The following BMPR1B variants were observed in gnomAD, a reference collection of about 807,000 sequenced individuals.
BMPR1B encodes bone morphogenetic protein receptor type 1B, also known as bone morphogenetic protein receptor type-1B.
Under a neutral mutation model 59.1 loss-of-function variants are expected in BMPR1B, and 12 were observed. The ratio of observed to expected loss-of-function variants is 0.20; its 90% CI spans 0.13 to 0.33. BMPR1B has a LOEUF of 0.33. BMPR1B is among the 10% of genes least tolerant of loss of function. The probability of loss-of-function intolerance (pLI) is 1.00; values close to 1 mark genes in which losing one functional copy is unlikely to be tolerated. For missense variants in BMPR1B, 550 were observed against 610.9 expected, an observed-to-expected ratio of 0.90 and a Z score of 1.05; for synonymous variants, 237 against 207.3, an observed-to-expected ratio of 1.14 and a Z score of -1.23.
chr4:95,042,430 T>A (rs923883548), intron 3 of BMPR1B, among the ~76,000 whole-genome samples: 13 of 151,858 alleles, frequency 8.6e-5, no homozygotes, highest in Non-Finnish European at 1.6e-4. Context: ...CAAAAAAAAT[T>A]TTAAAATATT....
rs546887169 is a variant in BMPR1B, at chr4:94,932,496, T to C, written c.-113+56596T>C. Among the ~76,000 whole-genome samples the C allele has an allele frequency of 3.9e-3, 595 of 152,280 alleles. 8 individuals carry two copies. The highest frequency in any genetic ancestry group is 7.3e-3 in the African/African-American group (302 of 41,562). ...TTTTAAAAAACTTGCAAAATGATATTTTTTTGGAGAAACTATAACTGTCAA... is the reference window on the plus strand; with the variant it reads ...TTTTAAAAAACTTGCAAAATGATATCTTTTTGGAGAAACTATAACTGTCAA... On this transcript the variant is annotated intron_variant, in intron 2 of 12. Coordinates refer to ENST00000515059, the MANE Select transcript of BMPR1B (RefSeq NM_001203.3).
intron 2 of BMPR1B, among the ~76,000 whole-genome samples, chr4:94,930,021 C>T (rs1236225755): frequency 6.6e-6 from 1 of 152,052 alleles, no homozygotes; most frequent in Non-Finnish European, 1.5e-5. Context: ...CTTGTTCTGT[C>T]TCCTTAATAC....
chr4:94,786,831 A>G (rs999103711), intron 1 of BMPR1B, among the ~76,000 whole-genome samples: 2 of 152,136 alleles, frequency 1.3e-5, no homozygotes, highest in African/African-American at 4.8e-5. Context: ...GGCGTGAGCC[A>G]TCGTGCCCAG....
chr4:94,815,357 T>A (rs996171268), intron 1 of BMPR1B, among the ~76,000 whole-genome samples: 1 of 152,212 alleles, frequency 6.6e-6, no homozygotes, highest in East Asian at 1.9e-4. Flanking sequence ...TAGACTGTTA[T>A]AAACAGTGCT....
intron 2 of BMPR1B, among the ~76,000 whole-genome samples, chr4:94,975,357 G>GTTTTTTT (rs1177887549): frequency 8.5e-5 from 8 of 94,220 alleles, no homozygotes; most frequent in East Asian, 4.3e-4. Context: ...ATTTCCTTTT[G>GTTTTTTT]TTTTTGTTTT....
intron 3 of BMPR1B, among the ~76,000 whole-genome samples, chr4:95,039,075 G>A (rs966672509): frequency 2.3e-4 from 34 of 150,764 alleles, no homozygotes; most frequent in African/African-American, 7.8e-4. Context: ...ATAAAGGAAT[G>A]TCTCTGTAAC....
At chr4:95,119,551 TCCTGAATGGCTC>T (rs756829903) in intron 6 of BMPR1B, among the ~76,000 whole-genome samples, 39 of 152,346 alleles carry the variant, frequency 2.6e-4, no homozygotes, top group Non-Finnish European at 4.7e-4. Context: ...TTCCTGTTTG[TCCTGAATGGCTC>T]CTTGAATGGC....
At chr4:94,790,509 T>C (rs1356604556) in intron 1 of BMPR1B, among the ~76,000 whole-genome samples, 1 of 152,108 alleles carries the variant, frequency 6.6e-6, no homozygotes, top group Admixed American at 6.6e-5. Context: ...CTTGCTGCCT[T>C]CTCCCTTTTC....
rs56083112 is a variant in BMPR1B at position 95,129,981 on chromosome 4, C to T, written c.705C>T (p.Thr235=). Residue 235 remains threonine, a synonymous_variant, in exon 9 of 13, where the codon ACC becomes ACT. Transcript: ENST00000515059. ...GEKVAVKVFF[T]TEEASWFRET... ...AGGTAGCTGTGAAAGTGTTCTTCAC[C>T]ACAGAGGAAGCCAGCTGGTTCAGAG... The T allele has an allele frequency of 1.7e-3, 2,675 of 1,613,910 alleles. 28 individuals carry two copies. In the African/African-American group the frequency reaches 0.028, roughly 17 times the overall value.
At chr4:95,028,989 A>G (rs1262821097) in intron 3 of BMPR1B, among the ~76,000 whole-genome samples, 3 of 151,706 alleles carry the variant, frequency 2.0e-5, no homozygotes, top group African/African-American at 4.9e-5. Context: ...GGTAAAGTTT[A>G]TATCACGATA....
intron 10 of BMPR1B, among the ~76,000 whole-genome samples, chr4:95,147,721 T>C (rs572623195): frequency 3.3e-5 from 5 of 152,372 alleles, no homozygotes; most frequent in African/African-American, 1.2e-4. Flanking sequence ...CTAGGGTTTG[T>C]TACTTTTCTA....
intron 2 of BMPR1B, among the ~76,000 whole-genome samples, chr4:94,956,880 G>A (rs1306974021): frequency 1.3e-5 from 2 of 151,982 alleles, no homozygotes; most frequent in Non-Finnish European, 2.9e-5. Context: ...TGGGCTTTAG[G>A]TCGTATTACT....
intron 1 of BMPR1B, among the ~76,000 whole-genome samples, chr4:94,793,455 G>A (rs1018547031): frequency 3.3e-5 from 5 of 151,170 alleles, no homozygotes; most frequent in African/African-American, 9.8e-5. Context: ...CTTTGCTATC[G>A]TGAATAATGC....
chr4:94,930,008 TTG>T (rs1374028478), intron 2 of BMPR1B, among the ~76,000 whole-genome samples: 1 of 152,094 alleles, frequency 6.6e-6, no homozygotes, highest in African/African-American at 2.4e-5. Flanking sequence ...TTTTTAAGGC[TTG>T]CTTGTTCTGT....
intron 3 of BMPR1B, among the ~76,000 whole-genome samples, chr4:95,032,329 C>T (rs1202340336): frequency 6.6e-6 from 1 of 152,000 alleles, no homozygotes; most frequent in Non-Finnish European, 1.5e-5. Context: ...CCTGGTTTCT[C>T]TTCCACTTCT....
intron 1 of BMPR1B, among the ~76,000 whole-genome samples, chr4:94,868,151 C>T (rs1385540226): frequency 6.6e-6 from 1 of 151,368 alleles, no homozygotes; most frequent in African/African-American, 2.4e-5. Flanking sequence ...GTGCGAGCCA[C>T]CATACCCAGC....
chr4:94,775,470 C>CT (rs1454469530), intron 1 of BMPR1B, among the ~76,000 whole-genome samples: 5 of 152,106 alleles, frequency 3.3e-5, no homozygotes, highest in Non-Finnish European at 5.9e-5. Flanking sequence ...AAGTTGTTTC[C>CT]TTTTTTTCCA....
intron 2 of BMPR1B, among the ~76,000 whole-genome samples, chr4:94,993,482 G>A (rs188737053): frequency 6.6e-6 from 1 of 151,490 alleles, no homozygotes; most frequent in Non-Finnish European, 1.5e-5. Context: ...CAGGGTGGCC[G>A]GGTGCAGTGG....
chr4:94,899,411 T>C (rs575920917), intron 2 of BMPR1B, among the ~76,000 whole-genome samples: 1 of 151,218 alleles, frequency 6.6e-6, no homozygotes, highest in African/African-American at 2.4e-5. Context: ...GGATTTTCTT[T>C]AAATCATATA....
Sources: gnomAD v4.1 joint callset for allele counts (sites outside exome capture counted in the v4.1 genomes callset) on GRCh38, gnomAD v4.1.1 for gene constraint, MANE v1.5 for transcripts, NCBI Gene and HGNC (gene_info 2026-07-23, HGNC 2026-07-21) for gene names.